ELF2: variants seen among roughly 807,000 people sequenced by gnomAD.
ELF2 encodes the protein E74 like ETS transcription factor 2, also known as ETS-related transcription factor Elf-2.
ELF2 carries 11 observed loss-of-function variants against 54.8 expected under a neutral mutation model. The ratio of observed to expected loss-of-function variants is 0.20; its 90% CI spans 0.13 to 0.33. The LOEUF (loss-of-function observed/expected upper bound fraction) is 0.33. Ranked by LOEUF, ELF2 falls within the 10% of genes least tolerant of loss-of-function variation. ELF2 has a pLI of 1.00. For missense variants in ELF2, 513 were observed against 703.0 expected, an observed-to-expected ratio of 0.73 and a Z score of 3.06; for synonymous variants, 203 against 245.1, an observed-to-expected ratio of 0.83 and a Z score of 1.61.
intron 1 of ELF2, among the ~76,000 whole-genome samples, chr4:139,146,030 A>G (rs569024846): frequency 6.6e-6 from 1 of 152,356 alleles, no homozygotes; most frequent in East Asian, 1.9e-4. Flanking sequence ...GGCCAGAGCA[A>G]TCAGGCATGA....
In ELF2 at chr4:139,058,877, T is replaced by G. The variant is rs1727388545; in HGVS notation, c.*106A>C. Reference sequence around the variant, plus strand: ...AGTCTGATTGTTTTTGTATATGCATTAAAAATGTTTTAAAGTCTTCTTTGA... The same window carrying G: ...AGTCTGATTGTTTTTGTATATGCATGAAAAATGTTTTAAAGTCTTCTTTGA... On this transcript the variant is annotated 3_prime_UTR_variant, in exon 10 of 10. Coordinates refer to ENST00000686138, the MANE Select transcript of ELF2 (RefSeq NM_001331036.3). 6 of 1,466,132 alleles carry G rather than the reference T, an allele frequency of 4.1e-6. No individual in the cohort carries two copies. Among genetic ancestry groups the G allele is most frequent in the African/African-American group, 1.4e-5 (1 of 70,824 alleles). The allele number at this position is 1,466,132 out of a possible 1,614,324, so 90.8% of individuals were successfully genotyped here.
At chr4:139,089,681 T>G (rs780887892) in intron 4 of ELF2, among the ~76,000 whole-genome samples, 40 of 152,222 alleles carry the variant, frequency 2.6e-4, no homozygotes, top group Non-Finnish European at 4.3e-4. Context: ...TCCATGTCAG[T>G]ATACGTAAAT....
At chr4:139,142,127 T>C (rs943988527) in intron 1 of ELF2, among the ~76,000 whole-genome samples, 1 of 152,138 alleles carries the variant, frequency 6.6e-6, no homozygotes, top group Non-Finnish European at 1.5e-5. Context: ...ACCATACCTG[T>C]AGATGGTGAT....
intron 1 of ELF2, among the ~76,000 whole-genome samples, chr4:139,175,666 A>C (rs1227290436): frequency 6.6e-6 from 1 of 152,248 alleles, no homozygotes; most frequent in Non-Finnish European, 1.5e-5. Flanking sequence ...TTCAGGATAG[A>C]GAATCACAGA....
intron 4 of ELF2, chr4:139,115,449 G>A: frequency 8.2e-6 from 8 of 975,540 alleles, no homozygotes; most frequent in African/African-American, 7.0e-5. Flanking sequence ...CCGGCTGGCT[G>A]GGGTTAGCTC....
intron 4 of ELF2, among the ~76,000 whole-genome samples, chr4:139,091,222 A>G (rs1732541243): frequency 6.6e-6 from 1 of 152,194 alleles, no homozygotes; most frequent in African/African-American, 2.4e-5. Context: ...GAGCCACCTC[A>G]CCCGACCTTC....
chr4:139,084,515 C>A, intron 4 of ELF2: 1 of 785,050 alleles, frequency 1.3e-6, no homozygotes, highest in Non-Finnish European at 1.6e-6. Flanking sequence ...GCCCCGCGCC[C>A]AAACAGGAAG....
chr4:139,110,891 C>T (rs1324372226), intron 4 of ELF2, among the ~76,000 whole-genome samples: 2 of 152,106 alleles, frequency 1.3e-5, no homozygotes, highest in Admixed American at 6.5e-5. Context: ...CATTAATAAA[C>T]AGGATAGTAA....
rs561212628 is a variant in ELF2, at chr4:139,095,918, C to A, written c.239-22351G>T. The stretch of plus-strand genomic sequence containing the variant: ...AATTAGCTGGGCACGGTGGCACACG[C>A]CTGTAGAAACAGTGAAACCCCGTCT... On this transcript the variant is annotated intron_variant, in intron 4 of 9. Transcript: ENST00000686138. Among the ~76,000 whole-genome samples, 239 of 152,176 alleles carry A rather than the reference C, an allele frequency of 1.6e-3. 2 individuals are homozygous for A. The highest frequency in any genetic ancestry group is 5.7e-3 in the African/African-American group (235 of 41,512).
At position 139,088,284 on chromosome 4, in the gene ELF2, TAA is replaced by T. The variant is rs10713739; in HGVS notation, c.239-14719_239-14718del. On this transcript the variant is annotated intron_variant, in intron 4 of 9. Coordinates refer to ENST00000686138, the MANE Select transcript of ELF2 (RefSeq NM_001331036.3). ...CCTGGGAGCAGAACAAGACTCTGTC[TAA>T]AAAAAAAAAAAAAAAAAAAATTACA... Among the ~76,000 whole-genome samples, 1,026 of 112,252 alleles carry T rather than the reference TAA, an allele frequency of 9.1e-3. 13 individuals carry two copies. Among genetic ancestry groups the T allele is most frequent in the African/African-American group, 0.029 (848 of 29,042 alleles). The allele number at this position is 112,252 out of a possible 152,430, so 73.6% of individuals were successfully genotyped here. A position where few individuals can be genotyped will look rare whatever the true frequency, so the allele number is the denominator to read the frequency against.
chr4:139,067,866 T>C, intron 6 of ELF2, 96 bp from the exon 7 acceptor site: 1 of 1,174,954 alleles, frequency 8.5e-7, no homozygotes, highest in South Asian at 1.6e-5. Context: ...TTCATTTAAA[T>C]GGATACTAAT....
rs1321488878 is a variant in ELF2 at position 139,134,706 on chromosome 4, A to G, written c.72+2924T>C. 5.3e-5 allele frequency among the ~76,000 whole-genome samples: 8 copies of G among 150,568 alleles called. No homozygotes were observed. In the East Asian group the frequency reaches 1.4e-3, roughly 26 times the overall value. ...TTGAAGTCCTGAGCTCAAGAAATCC[A>G]CCTGCCTTAGTCTCCCCAATATAGA... On this transcript the variant is annotated intron_variant, in intron 3 of 9. Coordinates refer to ENST00000686138, the MANE Select transcript of ELF2 (RefSeq NM_001331036.3).
intron 6 of ELF2, among the ~76,000 whole-genome samples, 157 bp from the exon 7 acceptor site, chr4:139,067,927 A>G (rs1728952985): frequency 6.6e-6 from 1 of 152,220 alleles, no homozygotes; most frequent in African/African-American, 2.4e-5. Context: ...GAGTATTACA[A>G]ACACTTTTGT....
chr4:139,143,749 C>A (rs779876580), intron 1 of ELF2, among the ~76,000 whole-genome samples: 49 of 152,220 alleles, frequency 3.2e-4, no homozygotes, highest in Non-Finnish European at 5.7e-4. Flanking sequence ...CACTGCAATC[C>A]AGCCCGGGCA....
At chr4:139,136,219 CG>C (rs1412688969) in intron 3 of ELF2, among the ~76,000 whole-genome samples, 1 of 152,018 alleles carries the variant, frequency 6.6e-6, no homozygotes, top group Non-Finnish European at 1.5e-5. Context: ...AAGACATTGA[CG>C]ATGGGAAGAA....
In ELF2 at chr4:139,125,145, C is replaced by T; in HGVS notation, c.238+19G>A. 1.3e-6 allele frequency: 2 copies of T among 1,588,090 alleles called. No individual in the cohort carries two copies. The highest frequency in any genetic ancestry group is 1.7e-6 in the Non-Finnish European group (2 of 1,171,082). ...AAATGAGAAAGTTATAAATAATGAA[C>T]ATTTTATGAGATGTCTACCTGTTTC... is the stretch of plus-strand genomic sequence containing the variant. On this transcript the variant is annotated intron_variant, in intron 4 of 9. Coordinates refer to ENST00000686138, the MANE Select transcript of ELF2 (RefSeq NM_001331036.3).
At chr4:139,140,058 G>A (rs184484903) in intron 1 of ELF2, among the ~76,000 whole-genome samples, 92 of 152,244 alleles carry the variant, frequency 6.0e-4, no homozygotes, top group Admixed American at 2.5e-3. Flanking sequence ...ACCTCCTGAG[G>A]AGCTGGGACT....
chr4:139,135,277 GTGTATA>G (rs1206514324), intron 3 of ELF2, among the ~76,000 whole-genome samples: 85 of 136,208 alleles, frequency 6.2e-4, no homozygotes, highest in African/African-American at 2.3e-3. Flanking sequence ...GTGTGTGTGT[GTGTATA>G]TATGAATGAA....
intron 1 of ELF2, among the ~76,000 whole-genome samples, chr4:139,166,739 G>A (rs1477387746): frequency 6.6e-6 from 1 of 152,082 alleles, no homozygotes; most frequent in Non-Finnish European, 1.5e-5. Flanking sequence ...GTGGTGGTGG[G>A]CACCTGTAAT....
Sources: gnomAD v4.1 joint callset for allele counts (sites outside exome capture counted in the v4.1 genomes callset) on GRCh38, gnomAD v4.1.1 for gene constraint, MANE v1.5 for transcripts, NCBI Gene and HGNC (gene_info 2026-07-23, HGNC 2026-07-21) for gene names.